Variants in SPATA1 observed in about 807,000 individuals in gnomAD.
The protein encoded by SPATA1 is spermatogenesis associated 1.
In SPATA1, 57 loss-of-function variants were observed where a neutral mutation model predicts 59.6. The ratio of observed to expected loss-of-function variants is 0.96; its 90% confidence interval spans 0.77 to 1.19. SPATA1 has a LOEUF of 1.19. SPATA1 is among the 50% of genes most tolerant of loss of function. The probability of loss-of-function intolerance (pLI) is 0.00; values close to 1 mark genes in which losing one functional copy is unlikely to be tolerated. For missense variants in SPATA1, 448 were observed against 480.7 expected (o/e 0.93, Z 0.64); for synonymous variants, 147 against 163.9 (o/e 0.90, Z 0.79).
downstream of SPATA1, among the ~76,000 whole-genome samples, chr1:84,567,210 G>A (rs936622435): frequency 6.6e-6 from 1 of 152,064 alleles, no homozygotes; most frequent in Non-Finnish European, 1.5e-5. Context: ...GTGAATATTA[G>A]CACTTTATAA....
chr1:84,539,675 T>C (rs1196156175), intron 8 of SPATA1, among the ~76,000 whole-genome samples: 6 of 152,244 alleles, frequency 3.9e-5, no homozygotes, highest in Non-Finnish European at 2.9e-5. Flanking sequence ...GTAGGAGTTT[T>C]TAATATGCTC....
chr1:84,538,667 C>T (rs535932863), intron 8 of SPATA1, among the ~76,000 whole-genome samples: 2 of 152,252 alleles, frequency 1.3e-5, no homozygotes, highest in East Asian at 3.9e-4. Flanking sequence ...TTAGGATGTG[C>T]TGCTCTATTT....
Position 84,520,580 on chromosome 1 carries a change from T to C in SPATA1, c.37-5T>C. The C allele has an allele frequency of 6.7e-7, 1 of 1,495,440 alleles. No individual in the cohort carries two copies. Among genetic ancestry groups the C allele is most frequent in the Non-Finnish European group, 9.0e-7 (1 of 1,110,316 alleles). The allele number at this position is 1,495,440 out of a possible 1,614,324, so 92.6% of individuals were successfully genotyped here. On this transcript the variant is annotated splice_polypyrimidine_tract_variant and splice_region_variant and intron_variant, in intron 2 of 12. Coordinates refer to ENST00000490879, the Ensembl canonical transcript of SPATA1. ...TTTAACCGATGTTCTTCTCAATTTA[T>C]TCAGTTGGTGGAACTTCATGTTTTT... is the stretch of plus-strand genomic sequence containing the variant.
intron 10 of SPATA1, among the ~76,000 whole-genome samples, chr1:84,546,932 G>A (rs1157247804): frequency 6.6e-6 from 1 of 152,072 alleles, no homozygotes; most frequent in Non-Finnish European, 1.5e-5. Context: ...GTACATGATG[G>A]TGGCTTGAGA....
intron 8 of SPATA1, among the ~76,000 whole-genome samples, chr1:84,537,339 C>T (rs930459483): frequency 6.6e-6 from 1 of 152,052 alleles, no homozygotes; most frequent in African/African-American, 2.4e-5. Flanking sequence ...TCATGATGTT[C>T]CTGAGACTGA....
exon 10 of SPATA1, chr1:84,545,688 A>G (rs1443077007): frequency 6.5e-7 from 1 of 1,538,872 alleles, no homozygotes; most frequent in Non-Finnish European, 8.7e-7. Flanking sequence ...AGGTATCTGG[A>G]AAGAAATAGA....
rs935968396 is a variant in SPATA1 at position 84,509,526 on chromosome 1, G to A, written c.-138+3108G>A. ...CACCTGTAATCCCAGCACTTTGGGAGGCCGAGGCAGGTGGATCACCTGAGG... is the reference window on the plus strand; with the variant it reads ...CACCTGTAATCCCAGCACTTTGGGAAGCCGAGGCAGGTGGATCACCTGAGG... On this transcript the variant is annotated intron_variant, in intron 1 of 12. Coordinates refer to ENST00000490879, the Ensembl canonical transcript of SPATA1. 2.6e-4 allele frequency among the ~76,000 whole-genome samples: 39 copies of A among 152,226 alleles called. 1 individual carries two copies. The highest frequency in any genetic ancestry group is 2.2e-3 in the Admixed American group (33 of 15,276).
At chr1:84,523,661 C>G (rs1683112982) in intron 4 of SPATA1, among the ~76,000 whole-genome samples, 1 of 152,030 alleles carries the variant, frequency 6.6e-6, no homozygotes, top group East Asian at 1.9e-4. Flanking sequence ...CTATAATTTG[C>G]TGTGTGAGAT....
At chr1:84,557,632 G>A (rs1459958953), downstream of SPATA1, among the ~76,000 whole-genome samples, 2 of 150,710 alleles carry the variant, frequency 1.3e-5, no homozygotes, top group African/African-American at 2.4e-5. Flanking sequence ...GAGATGGGCA[G>A]ATCATGAGGT....
At chr1:84,540,620 CAG>C (rs1346775801) in intron 8 of SPATA1, among the ~76,000 whole-genome samples, 1 of 152,096 alleles carries the variant, frequency 6.6e-6, no homozygotes, top group Admixed American at 6.5e-5. Flanking sequence ...GTTTTAGTCT[CAG>C]AGTTATAATT....
chr1:84,518,543 G>T (rs961325782), intron 2 of SPATA1, among the ~76,000 whole-genome samples: 1 of 151,898 alleles, frequency 6.6e-6, no homozygotes, highest in Non-Finnish European at 1.5e-5. Context: ...AGATCTTAAT[G>T]TTTCTCTTAA....
chr1:84,511,671 C>CT (rs1682560359), intron 1 of SPATA1, among the ~76,000 whole-genome samples: 1 of 68,532 alleles, frequency 1.5e-5, no homozygotes, highest in Non-Finnish European at 2.8e-5. Flanking sequence ...TTTTTTTTTT[C>CT]TTTCTTTCTT....
intron 6 of SPATA1, among the ~76,000 whole-genome samples, chr1:84,528,999 CTA>C (rs72068929): frequency 0.015 from 2,353 of 152,036 alleles, 61 homozygotes; most frequent in African/African-American, 0.053. Context: ...CTTTACCACA[CTA>C]TATATATATT....
At chr1:84,511,760 C>T (rs1338554162) in intron 1 of SPATA1, among the ~76,000 whole-genome samples, 1 of 145,936 alleles carries the variant, frequency 6.9e-6, no homozygotes, top group African/African-American at 2.6e-5. Context: ...CGGCTCACTG[C>T]AACCTCTGCC....
chr1:84,565,219 A>C (rs1480621868), intron 4 of SPATA1, among the ~76,000 whole-genome samples: 1 of 152,148 alleles, frequency 6.6e-6, no homozygotes, highest in Non-Finnish European at 1.5e-5. Context: ...AATTAAAAAA[A>C]AAAACAAAAG....
intron 10 of SPATA1, among the ~76,000 whole-genome samples, chr1:84,547,549 G>C (rs1487546724): frequency 2.0e-5 from 3 of 152,114 alleles, no homozygotes; most frequent in Admixed American, 2.0e-4. Context: ...ATTAAAAAGA[G>C]CATAGTAAAG....
rs1231675112 is a variant in SPATA1 at position 84,522,376 on chromosome 1, T to C, written c.144-14T>C. ...TTTCATTTTATATTATAAGGCAATT[T>C]TATAATATTTCAGAGTATCTCCTCA... On this transcript the variant is annotated splice_polypyrimidine_tract_variant and intron_variant, in intron 3 of 12. Coordinates refer to ENST00000490879, the Ensembl canonical transcript of SPATA1. 3.6e-5 allele frequency: 50 copies of C among 1,383,904 alleles called. 1 individual carries two copies. The Admixed American group carries it at 1.3e-3, about 36-fold the overall frequency. 85.7% of individuals were successfully genotyped at this position (1,383,904 alleles called of 1,614,324 possible). A position where few individuals can be genotyped will look rare whatever the true frequency, so the allele number is the denominator to read the frequency against.
At chr1:84,545,676 G>A in exon 10 of SPATA1, 1 of 1,531,444 alleles carries the variant, frequency 6.5e-7, no homozygotes, top group Non-Finnish European at 8.7e-7. Context: ...AAGGAAGAAA[G>A]AAGGTATCTG....
At position 84,552,956 on chromosome 1, in the gene SPATA1, C is replaced by T. The variant is rs957494814; in HGVS notation, c.1225-79C>T. On this transcript the variant is annotated intron_variant, in intron 12 of 12. Transcript: ENST00000490879. ...AAGACAGTTAAAGCGGTTACAAAAA[C>T]CCTGTTTACATGACAACTATGATGT... 4 of 942,728 alleles carry T rather than the reference C, an allele frequency of 4.2e-6. No homozygotes were observed. In the African/African-American group the frequency reaches 6.9e-5, roughly 16 times the overall value. 58.4% of individuals were successfully genotyped at this position (942,728 alleles called of 1,614,324 possible).
Sources: allele counts gnomAD v4.1 joint callset (sites outside exome capture counted in the v4.1 genomes callset), GRCh38; gene constraint gnomAD v4.1.1; transcripts MANE v1.5; gene names NCBI Gene and HGNC (gene_info 2026-07-23, HGNC 2026-07-21).